Variants in IRAK3 observed in about 807,000 individuals in gnomAD.
The protein encoded by IRAK3 is interleukin 1 receptor associated kinase 3.
IRAK3 carries 57 observed loss-of-function variants against 56.6 expected under a neutral mutation model. The ratio of observed to expected loss-of-function variants is 1.01; its 90% confidence interval spans 0.81 to 1.26. IRAK3 has a LOEUF of 1.26. IRAK3 is among the 50% of genes most tolerant of loss of function. The probability of loss-of-function intolerance (pLI) is 0.00; values close to 1 mark genes in which losing one functional copy is unlikely to be tolerated. For missense variants in IRAK3, 703 were observed against 719.0 expected (o/e 0.98, Z 0.25); for synonymous variants, 258 against 255.7 (o/e 1.01, Z -0.09).
At chr12:66,197,899 G>A in intron 1 of IRAK3, 1 of 983,240 alleles carries the variant, frequency 1.0e-6, no homozygotes. Context: ...CTTTTAAAAG[G>A]GAAATTCAGG....
Position 66,211,573 on chromosome 12 carries a change from A to G in IRAK3, c.564A>G (p.Thr188=), listed in dbSNP as rs758171936. The stretch of plus-strand genomic sequence containing the variant: ...ACAGAGTGGAGATTCAAAACCTAAC[A>G]TATGCTGTCAAATTATTTAAACAGG... ...EVYRVEIQNL[T]YAVKLFKQEK... The change falls in exon 5 of 12, where the codon ACA becomes ACG. Residue 188 remains threonine (T), a synonymous_variant. Coordinates refer to ENST00000261233, the MANE Select transcript of IRAK3 (RefSeq NM_007199.3). 28 of 1,611,806 alleles carry G rather than the reference A, an allele frequency of 1.7e-5. No individual in the cohort carries two copies. The Admixed American group carries it at 4.3e-4, about 25-fold the overall frequency.
chr12:66,204,063 C>G (rs138727463), intron 2 of IRAK3, among the ~76,000 whole-genome samples, 170 bp downstream of exon 2: 8 of 152,292 alleles, frequency 5.3e-5, no homozygotes, highest in African/African-American at 1.9e-4. Flanking sequence ...TCTTGTGACA[C>G]TTTCTTCCCT....
At chr12:66,243,529 C>G (rs1432280828) in intron 8 of IRAK3, among the ~76,000 whole-genome samples, 1 of 152,150 alleles carries the variant, frequency 6.6e-6, no homozygotes, top group Admixed American at 6.5e-5. Context: ...TGTTGGCTGC[C>G]CCACCTCCTT....
chr12:66,219,335 A>G (rs766432450), intron 6 of IRAK3, among the ~76,000 whole-genome samples: 43 of 152,044 alleles, frequency 2.8e-4, no homozygotes, highest in Admixed American at 8.5e-4. Flanking sequence ...AGTTTCTCCC[A>G]TACTGTTCTT....
At chr12:66,189,567 C>A (rs2052379893) in intron 1 of IRAK3, 135 bp downstream of exon 1, 1 of 465,140 alleles carries the variant, frequency 2.1e-6, no homozygotes. Flanking sequence ...AGGGAGCCGG[C>A]CCCCTCCTTT....
chr12:66,247,690 A>G lies in IRAK3; in HGVS notation c.1315-5A>G. The G allele has an allele frequency of 6.4e-7, 1 of 1,573,028 alleles. No individual in the cohort carries two copies. The highest frequency in any genetic ancestry group is 8.8e-7 in the Non-Finnish European group (1 of 1,142,662). ...TTTAATGTCTGTTTGCTTCTTTGTT[A>G]TTAGGTTTTAAATACTCTTGAAAGT... On this transcript the variant is annotated splice_region_variant and splice_polypyrimidine_tract_variant and intron_variant, in intron 11 of 11. Coordinates refer to ENST00000261233, the MANE Select transcript of IRAK3 (RefSeq NM_007199.3).
intron 7 of IRAK3, among the ~76,000 whole-genome samples, chr12:66,227,082 G>GA (rs2052794858): frequency 6.6e-6 from 1 of 152,062 alleles, no homozygotes; most frequent in Non-Finnish European, 1.5e-5. Flanking sequence ...CTCATTATAT[G>GA]GTAAGAACCC....
At chr12:66,210,061 C>T in intron 3 of IRAK3, 86 bp from the exon 4 acceptor site, 1 of 865,494 alleles carries the variant, frequency 1.2e-6, no homozygotes, top group Non-Finnish European at 2.0e-6. Context: ...CTGCATAGTC[C>T]CCAGGGAGCT....
At position 66,249,211 on chromosome 12, in the gene IRAK3, T is replaced by C. The variant is rs942769578; in HGVS notation, c.*1040T>C. 5 of 152,288 alleles carry C rather than the reference T, an allele frequency of 3.3e-5. No individual in the cohort carries two copies. Among genetic ancestry groups the C allele is most frequent in the African/African-American group, 1.2e-4 (5 of 41,460 alleles). 9.4% of individuals were successfully genotyped at this position (152,288 alleles called of 1,614,324 possible). A position where few individuals can be genotyped will look rare whatever the true frequency, so the allele number is the denominator to read the frequency against. The stretch of plus-strand genomic sequence containing the variant: ...CGGAGTCTCGCTCTGTCATCCAGGC[T>C]GGAGTGCAGTGGCACAATCTCGGCT... On this transcript the variant is annotated 3_prime_UTR_variant, in exon 12 of 12. Transcript: ENST00000261233.
At chr12:66,214,556 A>G (rs2052647682) in intron 5 of IRAK3, among the ~76,000 whole-genome samples, 1 of 151,804 alleles carries the variant, frequency 6.6e-6, no homozygotes, top group Non-Finnish European at 1.5e-5. Context: ...AAACAAAACA[A>G]AACAAAACAA....
chr12:66,199,780 A>T (rs1247262604), intron 1 of IRAK3, among the ~76,000 whole-genome samples: 1 of 152,176 alleles, frequency 6.6e-6, no homozygotes, highest in Non-Finnish European at 1.5e-5. Flanking sequence ...TGTTTATAAA[A>T]AATGTGCCTC....
intron 6 of IRAK3, among the ~76,000 whole-genome samples, chr12:66,221,858 A>G (rs2052737326): frequency 6.6e-6 from 1 of 152,162 alleles, no homozygotes; most frequent in Non-Finnish European, 1.5e-5. Flanking sequence ...ATGAAACCCC[A>G]TCTGTACTAA....
Position 66,235,465 on chromosome 12 carries a change from C to A in IRAK3, c.887+7095C>A, listed in dbSNP as rs546745158. On this transcript the variant is annotated intron_variant, in intron 8 of 11. Transcript: ENST00000261233. ...GGGCTGCAGCTCCGCGCTGACTTCC[C>A]CTCCGCACTCGTCTAAAAGTGCGGC... Among the ~76,000 whole-genome samples, 384 of 151,562 alleles carry A rather than the reference C, an allele frequency of 2.5e-3. 10 individuals carry two copies. The highest frequency in any genetic ancestry group is 0.024 in the Admixed American group (367 of 15,244).
chr12:66,213,780 TAAA>T (rs60115710), intron 5 of IRAK3, among the ~76,000 whole-genome samples: 1 of 116,174 alleles, frequency 8.6e-6, no homozygotes, highest in African/African-American at 3.0e-5. Context: ...GTCTACTAAT[TAAA>T]AAAAAAAAAA....
chr12:66,217,081 A>C (rs2052684097), intron 5 of IRAK3, 90 bp from the exon 6 acceptor site: 1 of 907,868 alleles, frequency 1.1e-6, no homozygotes, highest in African/African-American at 1.6e-5. Context: ...CAAAAAGTTC[A>C]TCTAATTTAG....
At chr12:66,226,275 C>G (rs1487082467) in intron 6 of IRAK3, among the ~76,000 whole-genome samples, 2 of 150,278 alleles carry the variant, frequency 1.3e-5, no homozygotes, top group African/African-American at 4.9e-5. Context: ...GAGTCTCGCT[C>G]TTGTCGCACA....
chr12:66,206,685 A>G (rs1262268734), intron 2 of IRAK3, among the ~76,000 whole-genome samples: 1 of 152,130 alleles, frequency 6.6e-6, no homozygotes, highest in African/African-American at 2.4e-5. Flanking sequence ...GTTTTCTTGT[A>G]ATGTCTTTAT....
Position 66,249,792 on chromosome 12 carries a change from T to G in IRAK3, c.*1621T>G, listed in dbSNP as rs922678991. ...TTCCTCTCATTCTGGCCCTTCTGCA[T>G]GTCTTTTATAAAGACCTTTGTGATT... On this transcript the variant is annotated 3_prime_UTR_variant, in exon 12 of 12. Coordinates refer to ENST00000261233, the MANE Select transcript of IRAK3 (RefSeq NM_007199.3). 6.6e-6 allele frequency: 1 copy of G among 152,234 alleles called. No individual in the cohort carries two copies. The highest frequency in any genetic ancestry group is 1.5e-5 in the Non-Finnish European group (1 of 68,036). The allele number at this position is 152,234 out of a possible 1,614,324, so 9.4% of individuals were successfully genotyped here.
intron 6 of IRAK3, among the ~76,000 whole-genome samples, chr12:66,220,936 T>G (rs191405669): frequency 6.6e-6 from 1 of 152,356 alleles, no homozygotes; most frequent in East Asian, 1.9e-4. Flanking sequence ...AGAAATGTGT[T>G]GAATGTGTAG....
Sources: gnomAD v4.1 joint callset for allele counts (sites outside exome capture counted in the v4.1 genomes callset) on GRCh38, gnomAD v4.1.1 for gene constraint, MANE v1.5 for transcripts, NCBI Gene and HGNC (gene_info 2026-07-23, HGNC 2026-07-21) for gene names.